The following DNAH5 variants were observed in gnomAD, a reference collection of about 807,000 sequenced individuals.
DNAH5 encodes the protein axonemal beta dynein heavy chain 5.
Under a neutral mutation model 518.2 loss-of-function variants are expected in DNAH5, and 372 were observed. The observed-to-expected ratio is 0.72, with a 90% CI of 0.66 to 0.78. The LOEUF (loss-of-function observed/expected upper bound fraction) is 0.78, where lower values mean the gene tolerates loss of function less well. DNAH5 is among the 30% of genes least tolerant of loss of function. The pLI is 0.00. For missense variants in DNAH5, 5,523 were observed against 5,687.0 expected, an observed-to-expected ratio of 0.97 and a Z score of 0.93; for synonymous variants, 2,039 against 2,025.9, an observed-to-expected ratio of 1.01 and a Z score of -0.17.
intron 52 of DNAH5, among the ~76,000 whole-genome samples, chr5:13,781,656 G>A (rs187609400): frequency 1.7e-4 from 26 of 151,774 alleles, no homozygotes; most frequent in African/African-American, 4.6e-4. Context: ...TTGTCTTGCC[G>A]CCGCCATGTA....
chr5:13,803,207 A>G (rs1759053642), intron 47 of DNAH5, among the ~76,000 whole-genome samples: 1 of 152,210 alleles, frequency 6.6e-6, no homozygotes, highest in Admixed American at 6.5e-5. Context: ...TATGTGTGCT[A>G]TTAGCTAAAA....
chr5:13,870,592 A>G (rs1041467856), intron 24 of DNAH5, among the ~76,000 whole-genome samples, 175 bp downstream of exon 24: 1 of 152,190 alleles, frequency 6.6e-6, no homozygotes, highest in Admixed American at 6.5e-5. Flanking sequence ...TGTGAAGGTG[A>G]AAACTGGCCC....
intron 26 of DNAH5, 23 bp downstream of exon 26, chr5:13,866,197 G>C (rs747857140): frequency 6.2e-7 from 1 of 1,607,448 alleles, no homozygotes. Context: ...TGTTTAGAAA[G>C]TCATAGAAAC....
At chr5:13,701,565 T>A in intron 76 of DNAH5, 129 bp from the exon 77 acceptor site, 4 of 874,508 alleles carry the variant, frequency 4.6e-6, no homozygotes, top group Non-Finnish European at 7.2e-6. Flanking sequence ...AGTCCCTAAG[T>A]CATGAATTTT....
At chr5:13,914,386 C>T (rs560723762) in intron 10 of DNAH5, 134 bp downstream of exon 10, 1 of 1,124,590 alleles carries the variant, frequency 8.9e-7, no homozygotes, top group Non-Finnish European at 1.3e-6. Context: ...TATTAACATT[C>T]CATTTTCTTC....
intron 46 of DNAH5, among the ~76,000 whole-genome samples, 161 bp downstream of exon 46, chr5:13,808,883 C>T (rs1169790282): frequency 6.6e-6 from 1 of 152,060 alleles, no homozygotes; most frequent in Non-Finnish European, 1.5e-5. Flanking sequence ...TGGCGTGAAC[C>T]CGGGAGGTGG....
intron 24 of DNAH5, among the ~76,000 whole-genome samples, chr5:13,869,128 T>A (rs988995099): frequency 1.3e-5 from 2 of 152,142 alleles, no homozygotes; most frequent in Non-Finnish European, 2.9e-5. Context: ...GGTTGGACCA[T>A]GTGATCCCCC....
At chr5:13,884,944 A>T (rs1037284380) in intron 19 of DNAH5, 45 bp downstream of exon 19, 1 of 1,613,282 alleles carries the variant, frequency 6.2e-7, no homozygotes, top group African/African-American at 1.3e-5. Context: ...ATACCCCAGC[A>T]ACTATGCCTG....
At chr5:13,768,425 T>C (rs1259351649) in intron 58 of DNAH5, among the ~76,000 whole-genome samples, 1 of 152,224 alleles carries the variant, frequency 6.6e-6, no homozygotes, top group African/African-American at 2.4e-5. Flanking sequence ...CTTTTGTTTA[T>C]AAATTACCCC....
chr5:13,815,389 C>G (rs1313462447), intron 42 of DNAH5, among the ~76,000 whole-genome samples: 1 of 152,158 alleles, frequency 6.6e-6, no homozygotes, highest in Non-Finnish European at 1.5e-5. Context: ...ATACAATGGA[C>G]TGAATGTTTG....
intron 78 of DNAH5, among the ~76,000 whole-genome samples, chr5:13,698,114 T>C (rs758299347): frequency 2.4e-4 from 36 of 152,330 alleles, no homozygotes; most frequent in Admixed American, 5.2e-4. Context: ...CTGTCTCACA[T>C]GCTTACTTCT....
intron 1 of DNAH5, among the ~76,000 whole-genome samples, chr5:13,982,774 C>T (rs1358869097): frequency 6.6e-6 from 1 of 152,224 alleles, no homozygotes; most frequent in Non-Finnish European, 1.5e-5. Flanking sequence ...TTTTGGTTTC[C>T]TTCTGCCTTT....
chr5:13,718,862 G>A lies in DNAH5; in HGVS notation c.12499+20C>T, dbSNP rs753369259. 74 of 1,581,950 alleles carry A rather than the reference G, an allele frequency of 4.7e-5. 1 individual carries two copies. In the Admixed American group the frequency reaches 5.0e-4, roughly 11 times the overall value. ...TAAGTAAGGAAACTCCTGTAGACTC[G>A]CAAGTATTTCTGGACTCACCACTAT... On this transcript the variant is annotated intron_variant, in intron 72 of 78. Coordinates refer to ENST00000265104, the MANE Select transcript of DNAH5 (RefSeq NM_001369.3).
intron 11 of DNAH5, 95 bp downstream of exon 11, chr5:13,913,648 T>C (rs1776290830): frequency 7.0e-7 from 1 of 1,418,862 alleles, no homozygotes; most frequent in Non-Finnish European, 9.7e-7. Flanking sequence ...CTTTACAGAC[T>C]GATGATTTGA....
At chr5:14,011,354 A>C (rs944056954) in intron 1 of DNAH5, among the ~76,000 whole-genome samples, 14 of 152,298 alleles carry the variant, frequency 9.2e-5, no homozygotes, top group African/African-American at 3.1e-4. Context: ...GAAGAGGAGG[A>C]AGTCCCTGAA....
chr5:13,713,465 A>ATATG (rs1392392760), intron 75 of DNAH5, among the ~76,000 whole-genome samples: 4 of 119,436 alleles, frequency 3.3e-5, no homozygotes, highest in African/African-American at 1.7e-4. Flanking sequence ...ATATATATAT[A>ATATG]TACACACACC....
chr5:13,767,865 G>C (rs1752724533), intron 58 of DNAH5, among the ~76,000 whole-genome samples: 1 of 152,116 alleles, frequency 6.6e-6, no homozygotes, highest in Non-Finnish European at 1.5e-5. Flanking sequence ...GCTCTGAGCT[G>C]GTTAAAGTCA....
intron 1 of DNAH5, among the ~76,000 whole-genome samples, chr5:14,006,135 GAGTCCAGACCT>G (rs1295898265): frequency 2.0e-5 from 3 of 151,948 alleles, no homozygotes; most frequent in African/African-American, 7.3e-5. Flanking sequence ...AAGTGAGCAA[GAGTCCAGACCT>G]TCGCTCTGAA....
At chr5:13,706,675 C>T (rs1742832543) in intron 76 of DNAH5, among the ~76,000 whole-genome samples, 1 of 152,160 alleles carries the variant, frequency 6.6e-6, no homozygotes, top group Non-Finnish European at 1.5e-5. Flanking sequence ...TACTAAAATA[C>T]ACTTATTTTC....
Sources: allele counts gnomAD v4.1 joint callset (sites outside exome capture counted in the v4.1 genomes callset), GRCh38; gene constraint gnomAD v4.1.1; transcripts MANE v1.5; gene names NCBI Gene and HGNC (gene_info 2026-07-23, HGNC 2026-07-21).